Variants in NPR3 observed in about 807,000 individuals in gnomAD.
NPR3 encodes the protein atrial natriuretic peptide receptor 3.
In NPR3, 34 loss-of-function variants were observed where a neutral mutation model predicts 54.5. That is an observed-to-expected ratio of 0.62 (90% CI 0.47 to 0.83). The LOEUF is 0.83. Ranked by LOEUF, NPR3 falls within the 40% of genes least tolerant of loss-of-function variation. The pLI is 0.00. For synonymous variants in NPR3, 289 were observed against 297.1 expected (o/e 0.97, Z 0.28); for missense variants, 674 against 720.8 (o/e 0.94, Z 0.74).
chr5:32,700,460 A>G (rs1281633943), intron 1 of NPR3, among the ~76,000 whole-genome samples: 1 of 151,962 alleles, frequency 6.6e-6, no homozygotes, highest in Non-Finnish European at 1.5e-5. Flanking sequence ...GGTTTGTTAC[A>G]TAGGTATACA....
intron 3 of NPR3, among the ~76,000 whole-genome samples, chr5:32,772,292 A>G (rs1221660139): frequency 1.3e-5 from 2 of 152,228 alleles, no homozygotes; most frequent in African/African-American, 4.8e-5. Context: ...AATCCTCAGA[A>G]GAGCTCTCTG....
At chr5:32,779,723 T>C (rs1374324421) in intron 4 of NPR3, among the ~76,000 whole-genome samples, 1 of 152,220 alleles carries the variant, frequency 6.6e-6, no homozygotes, top group African/African-American at 2.4e-5. Context: ...CAACTTGTTG[T>C]GCTGGCTCCT....
chr5:32,718,891 T>A (rs1292213202), intron 1 of NPR3, among the ~76,000 whole-genome samples: 1 of 152,008 alleles, frequency 6.6e-6, no homozygotes, highest in African/African-American at 2.4e-5. Flanking sequence ...CTATGTTGAA[T>A]AGGAGTGGTG....
chr5:32,712,547 T>C lies in NPR3; in HGVS notation c.769+2T>C. ...GCAATATCCAGGCCAGTGAGAGAGG[T>C]GAGCAGGGGCGCGTCCCGGGCCCCG... On this transcript the variant is annotated splice_donor_variant, in intron 1 of 7. Coordinates refer to ENST00000265074, the MANE Select transcript of NPR3 (RefSeq NM_001204375.2). LOFTEE classifies it high-confidence loss of function. 6.6e-7 allele frequency: 1 copy of C among 1,507,506 alleles called. No homozygotes were observed. Among genetic ancestry groups the C allele is most frequent in the Non-Finnish European group, 8.8e-7 (1 of 1,133,344 alleles). The allele number at this position is 1,507,506 out of a possible 1,614,324, so 93.4% of individuals were successfully genotyped here.
In NPR3 at chr5:32,787,282, A is replaced by C. The variant is rs548535919; in HGVS notation, c.*937A>C. 6.6e-6 allele frequency: 1 copy of C among 152,464 alleles called. No homozygotes were observed. The highest frequency in any genetic ancestry group is 1.5e-5 in the Non-Finnish European group (1 of 68,032). The allele number at this position is 152,464 out of a possible 1,614,324, so 9.4% of individuals were successfully genotyped here. A position where few individuals can be genotyped will look rare whatever the true frequency, so the allele number is the denominator to read the frequency against. Reference sequence around the variant, plus strand: ...ATTACAGAGATGTGTAAATGTATTCAGATTACAAACTCTACAGGAATACAT... The same window carrying C: ...ATTACAGAGATGTGTAAATGTATTCCGATTACAAACTCTACAGGAATACAT... On this transcript the variant is annotated 3_prime_UTR_variant, in exon 8 of 8. Transcript: ENST00000265074.
intron 4 of NPR3, among the ~76,000 whole-genome samples, chr5:32,775,772 GT>G (rs1156641383): frequency 1.3e-5 from 2 of 151,836 alleles, no homozygotes; most frequent in Non-Finnish European, 2.9e-5. Context: ...TAATTTTTGT[GT>G]TTTTAGTAGA....
rs748961898 is a variant in NPR3, at chr5:32,741,702, T to C, written c.1059+2672T>C. The stretch of plus-strand genomic sequence containing the variant: ...TTTAAGTAGAAGTTAGAGCTAACTA[T>C]AATAACTTATTTTAGTTCTGAAGAT... On this transcript the variant is annotated intron_variant, in intron 3 of 7. Coordinates refer to ENST00000265074, the MANE Select transcript of NPR3 (RefSeq NM_001204375.2). Among the ~76,000 whole-genome samples, 20 of 152,262 alleles carry C rather than the reference T, an allele frequency of 1.3e-4. 1 individual carries two copies. The Middle Eastern group carries it at 0.014, about 104-fold the overall frequency.
chr5:32,782,228 C>T (rs928553877), intron 5 of NPR3, among the ~76,000 whole-genome samples: 4 of 152,030 alleles, frequency 2.6e-5, no homozygotes, highest in African/African-American at 7.3e-5. Flanking sequence ...GTCTGGCAAC[C>T]GGAAGTGGTG....
intron 1 of NPR3, among the ~76,000 whole-genome samples, chr5:32,698,264 A>G (rs1430948679): frequency 1.3e-5 from 2 of 152,040 alleles, no homozygotes; most frequent in Non-Finnish European, 2.9e-5. Context: ...ATTAAGGAGC[A>G]TATTGTTTAA....
chr5:32,740,646 T>C (rs911409764), intron 3 of NPR3, among the ~76,000 whole-genome samples: 2 of 152,082 alleles, frequency 1.3e-5, no homozygotes, highest in Non-Finnish European at 2.9e-5. Context: ...TTTAATAATA[T>C]ATTCCAATTA....
chr5:32,719,622 C>T (rs951109398), intron 1 of NPR3, among the ~76,000 whole-genome samples: 1 of 152,098 alleles, frequency 6.6e-6, no homozygotes, highest in African/African-American at 2.4e-5. Flanking sequence ...TCCAGAAACT[C>T]ACATCTTTTA....
Position 32,717,175 on chromosome 5 carries a change from A to G in NPR3, c.769+4630A>G, listed in dbSNP as rs552312427. ...AGCTTCATCCATTTCCCTGCAAAGG[A>G]CATGAACTCAGCCTTTTTGTGGCTG... On this transcript the variant is annotated intron_variant, in intron 1 of 7. Transcript: ENST00000265074. Among the ~76,000 whole-genome samples the G allele has an allele frequency of 3.9e-3, 589 of 152,316 alleles. 4 individuals are homozygous for G. The highest frequency in any genetic ancestry group is 0.014 in the African/African-American group (566 of 41,562).
chr5:32,753,263 T>C (rs1464330740), intron 3 of NPR3, among the ~76,000 whole-genome samples: 2 of 152,166 alleles, frequency 1.3e-5, no homozygotes, highest in Non-Finnish European at 2.9e-5. Flanking sequence ...TAAATATGCA[T>C]GACTAAAATA....
chr5:32,745,828 A>G (rs950510493), intron 3 of NPR3, among the ~76,000 whole-genome samples: 4 of 152,202 alleles, frequency 2.6e-5, no homozygotes, highest in Non-Finnish European at 5.9e-5. Context: ...TTTCTGAAGT[A>G]TAAACCATCA....
chr5:32,755,872 C>T (rs968593782), intron 3 of NPR3, among the ~76,000 whole-genome samples: 7 of 152,058 alleles, frequency 4.6e-5, no homozygotes, highest in Non-Finnish European at 8.8e-5. Flanking sequence ...TTTGTTCTTG[C>T]GATAGTTTGC....
chr5:32,712,035 G>C lies in NPR3; in HGVS notation c.259G>C (p.Gly87Arg). ...EYALRSVEGN[G>R]TGRRLLPPGT... is the part of the protein sequence containing the mutation. ...TGCTCTGCGCAGCGTGGAGGGCAAC[G>C]GGACTGGGAGGCGGCTTCTGCCGCC... Residue 87 changes from glycine to arginine, a missense_variant, in exon 1 of 8, where the codon GGG becomes CGG. Gly to Arg is a moderately radical substitution (Grantham distance 125). Transcript: ENST00000265074. 1.2e-6 allele frequency: 2 copies of C among 1,613,834 alleles called. No individual in the cohort carries two copies. Among genetic ancestry groups the C allele is most frequent in the South Asian group, 1.1e-5 (1 of 91,080 alleles).
upstream of NPR3, chr5:32,709,938 T>G (rs1443960508): frequency 6.6e-6 from 1 of 152,176 alleles, no homozygotes; most frequent in African/African-American, 2.4e-5. Flanking sequence ...AAAAGAAATT[T>G]GTGGACACGG....
chr5:32,715,018 T>C (rs1738475398), intron 1 of NPR3, among the ~76,000 whole-genome samples: 1 of 152,178 alleles, frequency 6.6e-6, no homozygotes, highest in Non-Finnish European at 1.5e-5. Flanking sequence ...GCCAGAAGAA[T>C]ATGAAGTGCT....
intron 3 of NPR3, among the ~76,000 whole-genome samples, chr5:32,754,237 C>A (rs975383757): frequency 7.9e-5 from 12 of 152,172 alleles, no homozygotes; most frequent in Admixed American, 3.3e-4. Flanking sequence ...GGTATTAAAA[C>A]AATCGATGAC....
Sources: allele counts gnomAD v4.1 joint callset (sites outside exome capture counted in the v4.1 genomes callset), GRCh38; gene constraint gnomAD v4.1.1; transcripts MANE v1.5; gene names NCBI Gene and HGNC (gene_info 2026-07-23, HGNC 2026-07-21).